Variants in TMEM62 observed in about 807,000 individuals in gnomAD.
The protein encoded by TMEM62 is transmembrane protein 62.
TMEM62 carries 41 observed loss-of-function variants against 70.4 expected under a neutral mutation model. The observed-to-expected ratio is 0.58, with a 90% CI of 0.45 to 0.76. The LOEUF (loss-of-function observed/expected upper bound fraction) is 0.76, where lower values mean the gene tolerates loss of function less well. Ranked by LOEUF, TMEM62 falls within the 30% of genes least tolerant of loss-of-function variation. TMEM62 has a pLI of 0.00. For missense variants in TMEM62, 688 were observed against 788.5 expected (o/e 0.87, Z 1.53); for synonymous variants, 268 against 291.0 (o/e 0.92, Z 0.80).
At chr15:43,139,439 C>T (rs1385065617) in intron 4 of TMEM62, among the ~76,000 whole-genome samples, 1 of 152,168 alleles carries the variant, frequency 6.6e-6, no homozygotes, top group Non-Finnish European at 1.5e-5. Context: ...ACATCTCTCA[C>T]TTTAAATCAA....
rs950377092 is a variant in TMEM62 at position 43,165,252 on chromosome 15, T to A, written c.1297-4341T>A. On this transcript the variant is annotated intron_variant, in intron 10 of 13. Transcript: ENST00000260403. The stretch of plus-strand genomic sequence containing the variant: ...CTTGTAGGTGTGCTTCATTCTTTTT[T>A]TTTTTCCTTTTTTTCTCCTCTGTGT... Among the ~76,000 whole-genome samples, 56 of 152,240 alleles carry A rather than the reference T, an allele frequency of 3.7e-4. 1 individual carries two copies. Among genetic ancestry groups the A allele is most frequent in the Non-Finnish European group, 3.7e-4 (25 of 68,014 alleles).
rs890865834 is a variant in TMEM62, at chr15:43,141,622, T to A, written c.476+3003T>A. ...TCAAGGAGTAATTTCAACTTTCAAC[T>A]CTTACTATTTAAGAAACACATTTCA... On this transcript the variant is annotated intron_variant, in intron 4 of 13. Coordinates refer to ENST00000260403, the MANE Select transcript of TMEM62 (RefSeq NM_024956.4). Among the ~76,000 whole-genome samples the A allele has an allele frequency of 2.0e-5, 3 of 152,362 alleles. No individual in the cohort carries two copies. The East Asian group carries it at 5.8e-4, about 29-fold the overall frequency.
intron 11 of TMEM62, among the ~76,000 whole-genome samples, chr15:43,171,634 T>G (rs542446385): frequency 0.07 from 9,996 of 142,662 alleles, 462 homozygotes; most frequent in African/African-American, 0.14. Flanking sequence ...TTTTTTTTTT[T>G]TGTGTGTGTG....
rs1262009697 is a variant in TMEM62 at position 43,184,696 on chromosome 15, G to A, written c.*110G>A. On this transcript the variant is annotated 3_prime_UTR_variant, in exon 14 of 14. Transcript: ENST00000260403. ...GGCCAGGATTGGTGGGTGAGCTTTAGGGAGCAGCTGCTCGTTTGGAGTCCT... is the reference window on the plus strand; with the variant it reads ...GGCCAGGATTGGTGGGTGAGCTTTAAGGAGCAGCTGCTCGTTTGGAGTCCT... 1 of 941,104 alleles carries A rather than the reference G, an allele frequency of 1.1e-6. No individual in the cohort carries two copies. The highest frequency in any genetic ancestry group is 1.7e-5 in the African/African-American group (1 of 60,454). 58.3% of individuals were successfully genotyped at this position (941,104 alleles called of 1,614,324 possible).
chr15:43,145,520 A>T (rs1338389693), intron 4 of TMEM62, among the ~76,000 whole-genome samples: 1 of 152,158 alleles, frequency 6.6e-6, no homozygotes, highest in East Asian at 1.9e-4. Flanking sequence ...ATGGAAATTT[A>T]AAAAATACCA....
intron 13 of TMEM62, among the ~76,000 whole-genome samples, chr15:43,183,649 T>G (rs2041603847): frequency 6.6e-6 from 1 of 152,114 alleles, no homozygotes; most frequent in South Asian, 2.1e-4. Flanking sequence ...TTTTTTGGTT[T>G]TTTTTTTTGT....
At position 43,134,000 on chromosome 15, in the gene TMEM62, C is replaced by G. The variant is rs984387707; in HGVS notation, c.180+18C>G. On this transcript the variant is annotated intron_variant, in intron 1 of 13. Transcript: ENST00000260403. ...GCCTGCAGGTGACGCGGCGGGAAGC[C>G]GGGCCGGGAGGCAGGTGCAGATCGG... 2.4e-5 allele frequency: 35 copies of G among 1,436,748 alleles called. No homozygotes were observed. Among genetic ancestry groups the G allele is most frequent in the Non-Finnish European group, 3.0e-5 (33 of 1,100,822 alleles). 89.0% of individuals were successfully genotyped at this position (1,436,748 alleles called of 1,614,324 possible).
At chr15:43,183,471 G>A (rs1395854709) in intron 13 of TMEM62, among the ~76,000 whole-genome samples, 2 of 152,166 alleles carry the variant, frequency 1.3e-5, no homozygotes, top group Non-Finnish European at 2.9e-5. Flanking sequence ...CCTTAAAGAG[G>A]CCAAGACCTC....
intron 3 of TMEM62, among the ~76,000 whole-genome samples, chr15:43,136,523 C>A (rs900180452): frequency 2.6e-5 from 4 of 152,104 alleles, no homozygotes; most frequent in African/African-American, 4.8e-5. Flanking sequence ...CAGCTCACTG[C>A]AACCTTCGTC....
At chr15:43,135,745 G>A in intron 3 of TMEM62, 96 bp downstream of exon 3, 1 of 1,391,168 alleles carries the variant, frequency 7.2e-7, no homozygotes, top group Non-Finnish European at 9.5e-7. Flanking sequence ...TATAAAGTGG[G>A]ACATTTACAT....
intron 7 of TMEM62, among the ~76,000 whole-genome samples, chr15:43,150,296 G>C (rs1323245878): frequency 6.6e-6 from 1 of 152,140 alleles, no homozygotes; most frequent in Non-Finnish European, 1.5e-5. Context: ...CTGTGGGCTG[G>C]GCTATGATTG....
At chr15:43,142,006 T>A (rs924843534) in intron 4 of TMEM62, among the ~76,000 whole-genome samples, 22 of 152,330 alleles carry the variant, frequency 1.4e-4, no homozygotes, top group Admixed American at 1.2e-3. Context: ...TGAGAAGGAA[T>A]CTACTCCTTC....
chr15:43,133,853 G>T lies in TMEM62; in HGVS notation c.51G>T (p.Ala17=). 1 of 1,475,722 alleles carries T rather than the reference G, an allele frequency of 6.8e-7. No individual in the cohort carries two copies. Among genetic ancestry groups the T allele is most frequent in the Non-Finnish European group, 8.9e-7 (1 of 1,121,374 alleles). 91.4% of individuals were successfully genotyped at this position (1,475,722 alleles called of 1,614,324 possible). The part of the protein sequence containing the change: ...LRVVAGLAAA[A]LVAMLLEHYG... ...TGGTCGCGGGGTTGGCGGCCGCAGC[G>T]CTGGTGGCCATGCTCTTGGAGCACT... The change falls in exon 1 of 14, where the codon GCG becomes GCT. Residue 17 remains alanine, a synonymous_variant. Transcript: ENST00000260403.
chr15:43,138,457 G>T (rs1436200863), intron 3 of TMEM62, 117 bp from the exon 4 acceptor site: 3 of 794,330 alleles, frequency 3.8e-6, no homozygotes, highest in Non-Finnish European at 6.1e-6. Flanking sequence ...CTACCCTGGG[G>T]GTGTGTGTGG....
intron 11 of TMEM62, among the ~76,000 whole-genome samples, chr15:43,171,596 G>A (rs1337021076): frequency 7.0e-6 from 1 of 142,556 alleles, no homozygotes; most frequent in Admixed American, 7.0e-5. Context: ...TATAAAAACA[G>A]TTTCATATTA....
intron 12 of TMEM62, among the ~76,000 whole-genome samples, chr15:43,180,415 G>T (rs916752638): frequency 6.6e-6 from 1 of 152,190 alleles, no homozygotes; most frequent in Non-Finnish European, 1.5e-5. Flanking sequence ...GAGCCACCCT[G>T]CCTGGCCTAG....
At position 43,146,479 on chromosome 15, in the gene TMEM62, C is replaced by T. The variant is rs1473692486; in HGVS notation, c.477-14C>T. ...TTTTATTACACTAACACCCTCCTGTCTTCTATTTTTTAGGAAATATTCTGC... is the reference window on the plus strand; with the variant it reads ...TTTTATTACACTAACACCCTCCTGTTTTCTATTTTTTAGGAAATATTCTGC... On this transcript the variant is annotated splice_polypyrimidine_tract_variant and intron_variant, in intron 4 of 13. Transcript: ENST00000260403. 3 of 1,603,778 alleles carry T rather than the reference C, an allele frequency of 1.9e-6. No homozygotes were observed. The African/African-American group carries it at 4.0e-5, about 22-fold the overall frequency.
At chr15:43,167,906 A>G (rs2039714458) in intron 10 of TMEM62, among the ~76,000 whole-genome samples, 1 of 151,904 alleles carries the variant, frequency 6.6e-6, no homozygotes, top group Admixed American at 6.5e-5. Flanking sequence ...CGGATCACTC[A>G]TGGTTAGGAG....
intron 10 of TMEM62, among the ~76,000 whole-genome samples, chr15:43,164,451 C>CTT (rs943352342): frequency 1.6e-4 from 22 of 134,796 alleles, no homozygotes; most frequent in African/African-American, 5.4e-4. Flanking sequence ...TTTTTCTTTT[C>CTT]TTTTTTTTTT....
Sources: gnomAD v4.1 joint callset for allele counts (sites outside exome capture counted in the v4.1 genomes callset) on GRCh38, gnomAD v4.1.1 for gene constraint, MANE v1.5 for transcripts, NCBI Gene and HGNC (gene_info 2026-07-23, HGNC 2026-07-21) for gene names.